EFCAB11: variants seen among roughly 807,000 people sequenced by gnomAD.
EFCAB11 encodes the protein EF-hand calcium binding domain 11, also known as EF-hand calcium-binding domain-containing protein 11.
In EFCAB11, 14 loss-of-function variants were observed where a neutral mutation model predicts 23.0. The ratio of observed to expected loss-of-function variants is 0.61; its 90% CI spans 0.40 to 0.95. EFCAB11 has a LOEUF of 0.95. Ranked by LOEUF, EFCAB11 falls within the 40% of genes least tolerant of loss-of-function variation. The pLI, the probability that EFCAB11 is intolerant of heterozygous loss-of-function variation, is 0.00. For synonymous variants in EFCAB11, 65 were observed against 66.6 expected (o/e 0.98, Z 0.11); for missense variants, 198 against 195.8 (o/e 1.01, Z -0.07).
chr14:89,916,156 GAAAAAAA>G (rs10569453), intron 5 of EFCAB11, among the ~76,000 whole-genome samples: 1 of 138,832 alleles, frequency 7.2e-6, no homozygotes. Flanking sequence ...GAATGGCTCA[GAAAAAAA>G]AAAAAGAAAA....
At chr14:89,823,933 A>G (rs1886606279) in intron 5 of EFCAB11, among the ~76,000 whole-genome samples, 1 of 152,200 alleles carries the variant, frequency 6.6e-6, no homozygotes, top group African/African-American at 2.4e-5. Context: ...AAAGAGCATC[A>G]GTGACTTGTG....
At chr14:89,933,271 A>G (rs1341193065) in intron 3 of EFCAB11, among the ~76,000 whole-genome samples, 3 of 152,248 alleles carry the variant, frequency 2.0e-5, no homozygotes, top group African/African-American at 7.2e-5. Flanking sequence ...CTGTGCTTAC[A>G]ATGTCTATTA....
intron 5 of EFCAB11, among the ~76,000 whole-genome samples, chr14:89,898,179 AC>A (rs943087188): frequency 5.3e-5 from 8 of 151,972 alleles, no homozygotes; most frequent in African/African-American, 1.5e-4. Flanking sequence ...GCCCACATTC[AC>A]CCCCAACAAG....
At chr14:89,924,811 T>C in intron 5 of EFCAB11, 4 of 1,046,956 alleles carry the variant, frequency 3.8e-6, no homozygotes, top group Non-Finnish European at 2.7e-6. Flanking sequence ...TCCTAGTTTA[T>C]GAGAAATAAA....
chr14:89,878,931 T>G (rs574799638), intron 5 of EFCAB11, among the ~76,000 whole-genome samples: 66 of 152,262 alleles, frequency 4.3e-4, no homozygotes, highest in African/African-American at 1.5e-3. Flanking sequence ...TGCATAACAT[T>G]AGGCTATACA....
intron 5 of EFCAB11, among the ~76,000 whole-genome samples, chr14:89,845,910 T>G (rs1360455639): frequency 1.3e-5 from 2 of 152,212 alleles, no homozygotes; most frequent in Non-Finnish European, 2.9e-5. Context: ...AAAATGAGGC[T>G]GACTTAGGTC....
At chr14:89,876,145 GA>G (rs1233784738) in intron 5 of EFCAB11, among the ~76,000 whole-genome samples, 1 of 152,198 alleles carries the variant, frequency 6.6e-6, no homozygotes, top group Non-Finnish European at 1.5e-5. Context: ...GTGGGGAAAT[GA>G]AAACAACAAG....
chr14:89,913,474 A>C (rs1889744924), intron 5 of EFCAB11, among the ~76,000 whole-genome samples: 1 of 152,190 alleles, frequency 6.6e-6, no homozygotes, highest in Non-Finnish European at 1.5e-5. Context: ...CTAGAAAATA[A>C]GGGAGATGGC....
intron 5 of EFCAB11, among the ~76,000 whole-genome samples, chr14:89,814,530 T>C (rs1322516065): frequency 1.3e-5 from 2 of 151,876 alleles, no homozygotes; most frequent in Non-Finnish European, 2.9e-5. Context: ...CATGGAGAAA[T>C]GCCGTCTCTA....
intron 5 of EFCAB11, among the ~76,000 whole-genome samples, chr14:89,882,842 G>C (rs1212946893): frequency 6.6e-6 from 1 of 152,174 alleles, no homozygotes; most frequent in Non-Finnish European, 1.5e-5. Context: ...AGTGTTAAAA[G>C]TGGGGCCCAA....
intron 5 of EFCAB11, among the ~76,000 whole-genome samples, chr14:89,871,811 T>C (rs1888279616): frequency 6.6e-6 from 1 of 152,244 alleles, no homozygotes; most frequent in African/African-American, 2.4e-5. Context: ...TCACTGCTAA[T>C]GTACTGACAT....
At chr14:89,854,303 C>A (rs1418740273) in intron 5 of EFCAB11, among the ~76,000 whole-genome samples, 1 of 152,034 alleles carries the variant, frequency 6.6e-6, no homozygotes, top group Non-Finnish European at 1.5e-5. Flanking sequence ...CATGTAATGA[C>A]CCATAGGAGA....
intron 4 of EFCAB11, among the ~76,000 whole-genome samples, chr14:89,931,864 C>A (rs1271750359): frequency 2.6e-5 from 4 of 152,100 alleles, no homozygotes; most frequent in African/African-American, 7.2e-5. Context: ...CACTTCTGGC[C>A]CTATCATTTT....
chr14:89,845,108 G>A (rs960993499), intron 5 of EFCAB11, among the ~76,000 whole-genome samples: 1 of 152,102 alleles, frequency 6.6e-6, no homozygotes, highest in Admixed American at 6.6e-5. Context: ...TTGCAAATAG[G>A]GGTTAAAAAG....
At chr14:89,856,213 A>T (rs1398719578) in intron 5 of EFCAB11, among the ~76,000 whole-genome samples, 2 of 148,764 alleles carry the variant, frequency 1.3e-5, no homozygotes, top group African/African-American at 2.5e-5. Flanking sequence ...TTTTGAGACA[A>T]GATCTTGCTT....
intron 5 of EFCAB11, among the ~76,000 whole-genome samples, chr14:89,823,955 C>T (rs1190448081): frequency 2.6e-5 from 4 of 152,006 alleles, no homozygotes; most frequent in Admixed American, 6.6e-5. Context: ...GGCAATATCA[C>T]GTGGTCTAAC....
intron 5 of EFCAB11, among the ~76,000 whole-genome samples, chr14:89,891,431 T>C (rs1227571277): frequency 6.6e-6 from 1 of 152,142 alleles, no homozygotes; most frequent in Non-Finnish European, 1.5e-5. Flanking sequence ...TACTTAAGAG[T>C]TTGAGATATT....
intron 3 of EFCAB11, 35 bp downstream of exon 3, chr14:89,950,062 A>C: frequency 6.6e-7 from 1 of 1,506,474 alleles, no homozygotes; most frequent in Non-Finnish European, 9.0e-7. Context: ...GTGTCTAAAT[A>C]AGGTACTAAA....
intron 3 of EFCAB11, among the ~76,000 whole-genome samples, chr14:89,934,632 AATTAGCAT>A (rs369327524): frequency 1.5e-3 from 227 of 149,106 alleles, no homozygotes; most frequent in African/African-American, 5.5e-3. Context: ...TACTGTAGCA[AATTAGCAT>A]ATGTAGCATT....
Sources: gnomAD v4.1 joint callset for allele counts (sites outside exome capture counted in the v4.1 genomes callset) on GRCh38, gnomAD v4.1.1 for gene constraint, MANE v1.5 for transcripts, NCBI Gene and HGNC (gene_info 2026-07-23, HGNC 2026-07-21) for gene names.